Variants in APP observed in about 807,000 individuals in gnomAD.
APP encodes the protein amyloid beta precursor protein.
Under a neutral mutation model 101.4 loss-of-function variants are expected in APP, and 31 were observed. The ratio of observed to expected loss-of-function variants is 0.31; its 90% CI spans 0.23 to 0.41. The LOEUF (loss-of-function observed/expected upper bound fraction) is 0.41. Ranked by LOEUF, APP falls within the 10% of genes least tolerant of loss-of-function variation. The pLI, the probability that APP is intolerant of heterozygous loss-of-function variation, is 1.00. For synonymous variants in APP, 366 were observed against 364.4 expected, an observed-to-expected ratio of 1.00 and a Z score of -0.05; for missense variants, 839 against 1,003.7, an observed-to-expected ratio of 0.84 and a Z score of 2.22.
At chr21:26,018,085 G>A (rs879489048) in intron 6 of APP, among the ~76,000 whole-genome samples, 25 of 152,230 alleles carry the variant, frequency 1.6e-4, no homozygotes, top group Admixed American at 1.6e-3. Flanking sequence ...GGGTATCATC[G>A]ATTCTAACAC....
At chr21:26,070,587 G>C (rs888763767) in intron 3 of APP, among the ~76,000 whole-genome samples, 1 of 152,114 alleles carries the variant, frequency 6.6e-6, no homozygotes, top group African/African-American at 2.4e-5. Context: ...TGATAATGGA[G>C]CGTAAAGCTA....
chr21:26,166,107 A>T (rs2146396434), intron 1 of APP, among the ~76,000 whole-genome samples: 1 of 152,354 alleles, frequency 6.6e-6, no homozygotes, highest in South Asian at 2.1e-4. Context: ...TTATTTCTTA[A>T]GCCATCCACA....
At chr21:26,119,217 T>A (rs1008287798) in intron 1 of APP, among the ~76,000 whole-genome samples, 2 of 152,228 alleles carry the variant, frequency 1.3e-5, no homozygotes, top group African/African-American at 2.4e-5. Flanking sequence ...CAAGCTTTTT[T>A]AATTCTTCAA....
chr21:25,961,964 T>G (rs981471859), intron 11 of APP, among the ~76,000 whole-genome samples: 18 of 152,192 alleles, frequency 1.2e-4, no homozygotes, highest in African/African-American at 4.3e-4. Flanking sequence ...TTAAATCTTC[T>G]GTTACTAGCA....
chr21:26,122,281 G>A (rs923052069), intron 1 of APP, among the ~76,000 whole-genome samples: 1 of 152,174 alleles, frequency 6.6e-6, no homozygotes, highest in Non-Finnish European at 1.5e-5. Context: ...AGTATACACT[G>A]CTGAGTCTGG....
At chr21:26,096,155 C>A (rs771753372) in intron 2 of APP, among the ~76,000 whole-genome samples, 20 of 152,204 alleles carry the variant, frequency 1.3e-4, no homozygotes, top group Non-Finnish European at 2.4e-4. Flanking sequence ...AGGGTCCCCC[C>A]ACATGGACAA....
At chr21:25,933,954 A>G (rs2146404876) in intron 13 of APP, 1 of 152,326 alleles carries the variant, frequency 6.6e-6, no homozygotes, top group East Asian at 1.9e-4. Context: ...CCCAAAATAT[A>G]TGTTGAAGTC....
At chr21:25,990,715 C>G (rs1485762537) in intron 8 of APP, among the ~76,000 whole-genome samples, 2 of 148,054 alleles carry the variant, frequency 1.4e-5, no homozygotes, top group South Asian at 4.5e-4. Context: ...CCAGAGCAAT[C>G]TTCTCCTACA....
In APP at chr21:26,111,925, G is replaced by T. The variant is rs575343127; in HGVS notation, c.225+54C>A. On this transcript the variant is annotated intron_variant, in intron 2 of 17. Coordinates refer to ENST00000346798, the MANE Select transcript of APP (RefSeq NM_000484.4). Reference sequence around the variant, plus strand: ...CAAAATACAAGAAGTTAAATTTTTTGAAAACAAATGCATGTGATCCAACGT... The same window carrying T: ...CAAAATACAAGAAGTTAAATTTTTTTAAAACAAATGCATGTGATCCAACGT... The T allele has an allele frequency of 3.9e-5, 63 of 1,602,414 alleles. No homozygotes were observed. The East Asian group carries it at 1.3e-3, about 32-fold the overall frequency.
intron 8 of APP, among the ~76,000 whole-genome samples, chr21:25,992,362 T>C (rs1284092469): frequency 6.7e-6 from 1 of 150,112 alleles, no homozygotes; most frequent in African/African-American, 2.5e-5. Context: ...CACTCCAGCC[T>C]GGGCAACAGA....
chr21:26,007,990 A>C (rs2043612288), intron 6 of APP, among the ~76,000 whole-genome samples: 2 of 152,216 alleles, frequency 1.3e-5, no homozygotes, highest in Admixed American at 1.3e-4. Context: ...TAAGCTCCAA[A>C]TATGGATTGA....
At chr21:26,050,095 T>C (rs1394591629) in intron 5 of APP, among the ~76,000 whole-genome samples, 1 of 152,084 alleles carries the variant, frequency 6.6e-6, no homozygotes, top group Non-Finnish European at 1.5e-5. Context: ...CTAGCTGATA[T>C]AGACAATAAA....
At chr21:26,154,193 G>A (rs1339185912) in intron 1 of APP, among the ~76,000 whole-genome samples, 1 of 152,196 alleles carries the variant, frequency 6.6e-6, no homozygotes, top group Non-Finnish European at 1.5e-5. Context: ...AAAACAAGGG[G>A]AGGTAAATGA....
At chr21:26,112,440 G>A (rs918057859) in intron 1 of APP, among the ~76,000 whole-genome samples, 11 of 152,186 alleles carry the variant, frequency 7.2e-5, no homozygotes, top group Admixed American at 2.6e-4. Context: ...TGTGGTACCT[G>A]CTGAAAGGTT....
At chr21:25,970,796 G>C (rs2042002921) in intron 11 of APP, among the ~76,000 whole-genome samples, 3 of 152,102 alleles carry the variant, frequency 2.0e-5, no homozygotes, top group Admixed American at 2.0e-4. Context: ...CGGTAGAACA[G>C]GGTAAATAGT....
chr21:26,076,039 G>C (rs529375280), intron 3 of APP, among the ~76,000 whole-genome samples: 1 of 151,940 alleles, frequency 6.6e-6, no homozygotes, highest in African/African-American at 2.4e-5. Context: ...GATTACAGGC[G>C]CCCATCACCA....
chr21:26,103,300 C>T (rs766912819), intron 2 of APP, among the ~76,000 whole-genome samples: 25 of 152,140 alleles, frequency 1.6e-4, no homozygotes, highest in Non-Finnish European at 3.2e-4. Context: ...CTTGCCTAAA[C>T]ATGTCTTTAG....
At chr21:25,912,181 AAG>A (rs1390845699) in intron 13 of APP, among the ~76,000 whole-genome samples, 5 of 152,196 alleles carry the variant, frequency 3.3e-5, no homozygotes, top group Non-Finnish European at 5.9e-5. Context: ...CGCAGCTCAC[AAG>A]AGCTGCTGGC....
At chr21:25,959,022 T>C (rs1326896140) in intron 11 of APP, among the ~76,000 whole-genome samples, 1 of 90,412 alleles carries the variant, frequency 1.1e-5, no homozygotes, top group East Asian at 3.3e-4. Flanking sequence ...ATTTGAAGAA[T>C]GGGTTAGTCT....
Sources: allele counts gnomAD v4.1 joint callset (sites outside exome capture counted in the v4.1 genomes callset), GRCh38; gene constraint gnomAD v4.1.1; transcripts MANE v1.5; gene names NCBI Gene and HGNC (gene_info 2026-07-23, HGNC 2026-07-21).